The following PLCB4 variants were observed in gnomAD, a reference collection of about 807,000 sequenced individuals.
PLCB4 encodes the protein 1-phosphatidylinositol 4,5-bisphosphate phosphodiesterase beta-4.
Under a neutral mutation model 178.8 loss-of-function variants are expected in PLCB4, and 77 were observed. The observed-to-expected ratio is 0.43, with a 90% CI of 0.36 to 0.52. The LOEUF is 0.52. PLCB4 is among the 20% of genes least tolerant of loss of function. The pLI is 0.00. For missense variants in PLCB4, 1,024 were observed against 1,453.4 expected (o/e 0.70, Z 4.80); for synonymous variants, 496 against 490.8 (o/e 1.01, Z -0.14).
At chr20:9,135,610 G>C (rs1361627483) in intron 2 of PLCB4, among the ~76,000 whole-genome samples, 1 of 152,098 alleles carries the variant, frequency 6.6e-6, no homozygotes, top group Non-Finnish European at 1.5e-5. Context: ...AATGGGTTAA[G>C]AGGGTTTCCA....
chr20:9,465,108 C>T (rs1053134776), intron 35 of PLCB4, among the ~76,000 whole-genome samples: 2 of 152,184 alleles, frequency 1.3e-5, no homozygotes, highest in Non-Finnish European at 2.9e-5. Flanking sequence ...CGGCTTCATC[C>T]CTGGGATGCA....
chr20:9,201,214 T>A (rs1306181321), intron 2 of PLCB4, among the ~76,000 whole-genome samples: 2 of 152,246 alleles, frequency 1.3e-5, no homozygotes, highest in African/African-American at 4.8e-5. Context: ...TTTCTAAATA[T>A]TAAATGCTCC....
chr20:9,329,893 AG>A (rs1201594432), intron 4 of PLCB4, among the ~76,000 whole-genome samples: 1 of 152,196 alleles, frequency 6.6e-6, no homozygotes, highest in Admixed American at 6.5e-5. Context: ...CAAGAGACCA[AG>A]CTCATGAGGG....
At chr20:9,396,817 A>G (rs2038622461) in intron 19 of PLCB4, among the ~76,000 whole-genome samples, 1 of 152,242 alleles carries the variant, frequency 6.6e-6, no homozygotes, top group South Asian at 2.1e-4. Context: ...CATTATGTCC[A>G]AAAATGTAAC....
At chr20:9,399,281 A>G (rs1404776781) in intron 19 of PLCB4, among the ~76,000 whole-genome samples, 1 of 152,322 alleles carries the variant, frequency 6.6e-6, no homozygotes, top group East Asian at 1.9e-4. Context: ...TAAGGACAGA[A>G]TCATCCACCT....
intron 28 of PLCB4, among the ~76,000 whole-genome samples, chr20:9,430,455 G>A (rs189284696): frequency 2.6e-5 from 4 of 152,280 alleles, no homozygotes; most frequent in East Asian, 3.9e-4. Context: ...GGTAAAGGCA[G>A]CCTCTAACTG....
At chr20:9,089,395 A>G (rs375037546) in intron 1 of PLCB4, among the ~76,000 whole-genome samples, 20 of 152,242 alleles carry the variant, frequency 1.3e-4, no homozygotes, top group African/African-American at 4.6e-4. Context: ...ACTTAAAAGC[A>G]CAAAGAAGAA....
At chr20:9,214,753 T>A (rs1249490225) in intron 2 of PLCB4, among the ~76,000 whole-genome samples, 5 of 152,202 alleles carry the variant, frequency 3.3e-5, no homozygotes, top group African/African-American at 1.2e-4. Context: ...GTTGCAATAG[T>A]TTGGCTATGA....
chr20:9,473,229 G>C (rs1400027942), intron 37 of PLCB4, 50 bp from the exon 38 acceptor site: 2 of 1,192,588 alleles, frequency 1.7e-6, no homozygotes, highest in African/African-American at 3.2e-5. Flanking sequence ...CCTGTTTTAA[G>C]ATTGTAACCC....
chr20:9,325,695 A>G, intron 4 of PLCB4, among the ~76,000 whole-genome samples: 1 of 152,184 alleles, frequency 6.6e-6, no homozygotes, highest in East Asian at 1.9e-4. Flanking sequence ...ATCCCTAGCT[A>G]TTAGTGACCA....
In PLCB4 at chr20:9,479,952, T is replaced by A. The variant is rs2122768697; in HGVS notation, c.*943T>A. Reference sequence around the variant, plus strand: ...CAAATAAATACTGGTTAAATAAATGTATGGCACAGAATATAATTTGACTAT... The same window carrying A: ...CAAATAAATACTGGTTAAATAAATGAATGGCACAGAATATAATTTGACTAT... On this transcript the variant is annotated 3_prime_UTR_variant, in exon 40 of 40. Coordinates refer to ENST00000378473, the MANE Select transcript of PLCB4 (RefSeq NM_001377142.1). The A allele has an allele frequency of 6.6e-6, 1 of 152,568 alleles. No homozygotes were observed. The highest frequency in any genetic ancestry group is 2.4e-5 in the African/African-American group (1 of 41,562). 9.5% of individuals were successfully genotyped at this position (152,568 alleles called of 1,614,324 possible).
intron 4 of PLCB4, among the ~76,000 whole-genome samples, chr20:9,325,854 C>G (rs2030428637): frequency 6.6e-6 from 1 of 152,164 alleles, no homozygotes; most frequent in African/African-American, 2.4e-5. Flanking sequence ...TTCTTTCAGG[C>G]TGCTATAACA....
At chr20:9,430,949 T>G (rs1357707686) in intron 28 of PLCB4, among the ~76,000 whole-genome samples, 1 of 152,176 alleles carries the variant, frequency 6.6e-6, no homozygotes, top group East Asian at 1.9e-4. Flanking sequence ...AAGTAGTGAA[T>G]TTTTTTCCCC....
At chr20:9,381,177 A>G (rs979346718) in intron 13 of PLCB4, among the ~76,000 whole-genome samples, 1 of 152,222 alleles carries the variant, frequency 6.6e-6, no homozygotes, top group African/African-American at 2.4e-5. Context: ...TCTGAATATC[A>G]TAATTTATTT....
At chr20:9,269,285 C>T (rs1177099765) in intron 3 of PLCB4, among the ~76,000 whole-genome samples, 1 of 152,128 alleles carries the variant, frequency 6.6e-6, no homozygotes, top group Non-Finnish European at 1.5e-5. Context: ...TTGGCTATGA[C>T]CTCCCACAGC....
chr20:9,445,760 G>A (rs997942634), intron 32 of PLCB4, among the ~76,000 whole-genome samples: 1 of 152,214 alleles, frequency 6.6e-6, no homozygotes, highest in African/African-American at 2.4e-5. Flanking sequence ...CTTCAATGTT[G>A]TTGGTTATTG....
At chr20:9,081,091 C>T (rs761174444) in intron 1 of PLCB4, among the ~76,000 whole-genome samples, 1 of 152,184 alleles carries the variant, frequency 6.6e-6, no homozygotes, top group African/African-American at 2.4e-5. Context: ...TTCATGTCTT[C>T]TATTGGCTAT....
At chr20:9,413,549 C>T (rs2040017595) in intron 25 of PLCB4, among the ~76,000 whole-genome samples, 1 of 151,384 alleles carries the variant, frequency 6.6e-6, no homozygotes, top group Admixed American at 6.6e-5. Context: ...GTCCCAGCTA[C>T]TTGGGAGGCT....
intron 3 of PLCB4, among the ~76,000 whole-genome samples, chr20:9,284,686 A>G (rs982911495): frequency 2.0e-5 from 3 of 152,010 alleles, no homozygotes; most frequent in African/African-American, 7.2e-5. Context: ...ATCAGTATCT[A>G]TGACATGTAT....
Sources: gnomAD v4.1 joint callset for allele counts (sites outside exome capture counted in the v4.1 genomes callset) on GRCh38, gnomAD v4.1.1 for gene constraint, MANE v1.5 for transcripts, NCBI Gene and HGNC (gene_info 2026-07-23, HGNC 2026-07-21) for gene names.